Variants in KIAA1217 observed in about 807,000 individuals in gnomAD.
KIAA1217 encodes sickle tail protein homolog.
Under a neutral mutation model 163.9 loss-of-function variants are expected in KIAA1217, and 88 were observed. That is an observed-to-expected ratio of 0.54 (90% confidence interval 0.45 to 0.64). The LOEUF is 0.64. Among genes scored for constraint, KIAA1217 ranks in the 30% least tolerant of loss-of-function variants. The probability of loss-of-function intolerance (pLI) is 0.00; values close to 1 mark genes in which losing one functional copy is unlikely to be tolerated. For synonymous variants in KIAA1217, 903 were observed against 923.1 expected, an observed-to-expected ratio of 0.98 and a Z score of 0.39; for missense variants, 2,372 against 2,475.0, an observed-to-expected ratio of 0.96 and a Z score of 0.88.
chr10:23,940,801 C>A (rs1352315648), intron 1 of KIAA1217, among the ~76,000 whole-genome samples: 1 of 152,206 alleles, frequency 6.6e-6, no homozygotes, highest in East Asian at 1.9e-4. Context: ...TTTGAAACTT[C>A]ACTCAACTAG....
In KIAA1217 at chr10:24,125,474, C is replaced by T. The variant is rs540445568; in HGVS notation, c.-170-94152C>T. ...TTTATAATGAATTGACCATTTTTGG[C>T]TAGATCTTCAAATGTATTGATACAA... On this transcript the variant is annotated intron_variant, in intron 2 of 18. Coordinates refer to the KIAA1217 transcript ENST00000376462. Among the ~76,000 whole-genome samples the T allele has an allele frequency of 2.4e-4, 37 of 151,720 alleles. No homozygotes were observed. The South Asian group carries it at 7.5e-3, about 31-fold the overall frequency.
Position 24,470,000 on chromosome 10 carries a change from A to G in KIAA1217, c.847-3228A>G, listed in dbSNP as rs530544930. On this transcript the variant is annotated intron_variant, in intron 5 of 20. Coordinates refer to ENST00000376454, the MANE Select transcript of KIAA1217 (RefSeq NM_019590.5). The stretch of plus-strand genomic sequence containing the variant: ...TTGTTGTATGTGATTTGCCTTGGAC[A>G]CTGTGTAATGCTTTATAAACAGTGG... Among the ~76,000 whole-genome samples, 3 of 152,348 alleles carry G rather than the reference A, an allele frequency of 2.0e-5. No homozygotes were observed. The East Asian group carries it at 5.8e-4, about 29-fold the overall frequency.
intron 1 of KIAA1217, among the ~76,000 whole-genome samples, chr10:23,808,106 C>T (rs764719901): frequency 6.6e-6 from 1 of 152,318 alleles, no homozygotes. Flanking sequence ...TGGATTTATA[C>T]TATCTATGTG....
intron 1 of KIAA1217, among the ~76,000 whole-genome samples, chr10:23,918,793 C>T (rs543921149): frequency 1.3e-5 from 2 of 151,768 alleles, no homozygotes; most frequent in Non-Finnish European, 2.9e-5. Context: ...ATAACAGCAC[C>T]CCTTTTTCCT....
chr10:24,501,047 C>T (rs1347911948), intron 8 of KIAA1217, among the ~76,000 whole-genome samples: 1 of 151,482 alleles, frequency 6.6e-6, no homozygotes, highest in Non-Finnish European at 1.5e-5. Flanking sequence ...TTTAAAAAAG[C>T]TCTACTTCCA....
At chr10:23,720,577 G>C (rs1588660593) in intron 1 of KIAA1217, among the ~76,000 whole-genome samples, 1 of 152,058 alleles carries the variant, frequency 6.6e-6, no homozygotes, top group African/African-American at 2.4e-5. Flanking sequence ...GGGACTGGGA[G>C]GTACAGCCTT....
rs781239995 is a variant in KIAA1217 at position 23,995,231 on chromosome 10, G to A, written c.-320-11994G>A. On this transcript the variant is annotated intron_variant, in intron 1 of 18. Transcript: ENST00000376462. ...TGGAAGATCCTACAAAATAACAGAA[G>A]ACCAAGTCCCCTGTGCTCTGGAGTA... Among the ~76,000 whole-genome samples the A allele has an allele frequency of 1.3e-4, 20 of 152,184 alleles. No homozygotes were observed. The Middle Eastern group carries it at 0.01, about 78-fold the overall frequency.
At chr10:24,401,203 A>G (rs988309892) in intron 3 of KIAA1217, among the ~76,000 whole-genome samples, 1 of 146,236 alleles carries the variant, frequency 6.8e-6, no homozygotes, top group Non-Finnish European at 1.5e-5. Flanking sequence ...ATATATATAT[A>G]TTTTTATCCA....
At chr10:24,495,933 A>T (rs976917405) in intron 8 of KIAA1217, among the ~76,000 whole-genome samples, 5 of 152,240 alleles carry the variant, frequency 3.3e-5, no homozygotes, top group Non-Finnish European at 7.3e-5. Flanking sequence ...AGTGGCGTTC[A>T]CTAGTATCCA....
intron 2 of KIAA1217, chr10:24,255,663 T>C (rs1013250456): frequency 7.9e-6 from 3 of 379,098 alleles, no homozygotes; most frequent in African/African-American, 6.4e-5. Context: ...CTGTGTGATA[T>C]GTTTCTAACT....
At chr10:23,929,014 A>T (rs1843143299) in intron 1 of KIAA1217, among the ~76,000 whole-genome samples, 1 of 152,206 alleles carries the variant, frequency 6.6e-6, no homozygotes, top group Non-Finnish European at 1.5e-5. Flanking sequence ...GCTTGGCATG[A>T]TAGAGGACCA....
At chr10:24,357,977 A>G (rs1377487179) in intron 2 of KIAA1217, among the ~76,000 whole-genome samples, 1 of 152,136 alleles carries the variant, frequency 6.6e-6, no homozygotes, top group African/African-American at 2.4e-5. Flanking sequence ...CATGCACGTA[A>G]ACTCCCCAGA....
intron 2 of KIAA1217, among the ~76,000 whole-genome samples, chr10:24,146,904 C>T (rs1589671015): frequency 6.6e-6 from 1 of 151,516 alleles, no homozygotes; most frequent in Non-Finnish European, 1.5e-5. Flanking sequence ...TTTGGTCCTT[C>T]CAGAGAGGTT....
chr10:24,232,935 C>CAAAAAAAAAAAAAAAAAAAAAAAAA (rs908492411), intron 2 of KIAA1217, among the ~76,000 whole-genome samples: 3 of 56,308 alleles, frequency 5.3e-5, no homozygotes, highest in South Asian at 1.0e-3. Flanking sequence ...CTTATCTCTA[C>CAAAAAAAAAAAAAAAAAAAAAAAAA]AAAAAAAAAA....
rs1296772899 is a variant in KIAA1217, at chr10:24,313,207, C to T, written c.355-67662C>T. Among the ~76,000 whole-genome samples, 7 of 152,248 alleles carry T rather than the reference C, an allele frequency of 4.6e-5. No individual in the cohort carries two copies. The East Asian group carries it at 1.2e-3, about 25-fold the overall frequency. ...GTAGAGCGGGACGTATTTTGCAGTT[C>T]AGTTATTGATTTTTAGGGAGCCTGG... On this transcript the variant is annotated intron_variant, in intron 2 of 20. Coordinates refer to ENST00000376454, the MANE Select transcript of KIAA1217 (RefSeq NM_019590.5).
chr10:23,912,848 G>A (rs193158318), intron 1 of KIAA1217, among the ~76,000 whole-genome samples: 5 of 152,284 alleles, frequency 3.3e-5, no homozygotes, highest in African/African-American at 1.2e-4. Flanking sequence ...GAAACGGAGA[G>A]CAATCATTTA....
At chr10:23,826,322 T>C (rs1317233661) in intron 1 of KIAA1217, among the ~76,000 whole-genome samples, 1 of 152,168 alleles carries the variant, frequency 6.6e-6, no homozygotes, top group Non-Finnish European at 1.5e-5. Context: ...TACATTAGAT[T>C]TGACATGTCA....
intron 1 of KIAA1217, among the ~76,000 whole-genome samples, chr10:23,797,600 G>A (rs912456952): frequency 3.3e-5 from 5 of 152,204 alleles, no homozygotes; most frequent in South Asian, 4.1e-4. Context: ...CAATCATGGC[G>A]GAAGGTGAAG....
intron 2 of KIAA1217, among the ~76,000 whole-genome samples, chr10:24,036,046 G>A (rs748996639): frequency 1.2e-4 from 19 of 152,342 alleles, no homozygotes; most frequent in Middle Eastern, 3.4e-3. Context: ...GAAGGCCAGC[G>A]GAGCACAGGG....
Sources: allele counts gnomAD v4.1 joint callset (sites outside exome capture counted in the v4.1 genomes callset), GRCh38; gene constraint gnomAD v4.1.1; transcripts MANE v1.5; gene names NCBI Gene and HGNC (gene_info 2026-07-23, HGNC 2026-07-21).